The following SRGAP3 variants were observed in gnomAD, a reference collection of about 807,000 sequenced individuals.
The protein encoded by SRGAP3 is SLIT-ROBO Rho GTPase-activating protein 3.
Under a neutral mutation model 121.1 loss-of-function variants are expected in SRGAP3, and 39 were observed. That is an observed-to-expected ratio of 0.32 (90% CI 0.25 to 0.42). SRGAP3 has a LOEUF of 0.42. SRGAP3 is among the 10% of genes least tolerant of loss of function. The probability of loss-of-function intolerance (pLI) is 1.00; values close to 1 mark genes in which losing one functional copy is unlikely to be tolerated. For missense variants in SRGAP3, 1,213 were observed against 1,470.6 expected (o/e 0.82, Z 2.86); for synonymous variants, 601 against 570.0 (o/e 1.05, Z -0.77).
chr3:9,066,144 C>T (rs1946421642), intron 4 of SRGAP3, among the ~76,000 whole-genome samples: 1 of 152,150 alleles, frequency 6.6e-6, no homozygotes, highest in South Asian at 2.1e-4. Context: ...AGCAGGCATA[C>T]TTTTAGTAGC....
intron 1 of SRGAP3, among the ~76,000 whole-genome samples, chr3:9,170,658 C>G (rs1560329052): frequency 6.6e-6 from 1 of 152,190 alleles, no homozygotes. Context: ...CAAAATACTC[C>G]CAGCATACCC....
intron 1 of SRGAP3, among the ~76,000 whole-genome samples, chr3:9,175,377 C>T (rs1951141045): frequency 6.6e-6 from 1 of 152,146 alleles, no homozygotes; most frequent in Admixed American, 6.5e-5. Context: ...CCTCTGTATC[C>T]CCAATTCCTA....
intron 4 of SRGAP3, among the ~76,000 whole-genome samples, chr3:9,074,601 C>T (rs1946870557): frequency 6.6e-6 from 1 of 152,176 alleles, no homozygotes; most frequent in Admixed American, 6.5e-5. Context: ...GAATGTCATC[C>T]TAGAAAGACA....
intron 18 of SRGAP3, among the ~76,000 whole-genome samples, chr3:8,998,830 T>G (rs1204157271): frequency 6.6e-6 from 1 of 152,096 alleles, no homozygotes; most frequent in East Asian, 1.9e-4. Flanking sequence ...ATAACAACAT[T>G]TGAGGCACTA....
intron 4 of SRGAP3, among the ~76,000 whole-genome samples, chr3:9,070,778 T>C (rs1946666887): frequency 6.6e-6 from 1 of 152,198 alleles, no homozygotes. Context: ...ATTAAATATT[T>C]ATTGAGCAGT....
In SRGAP3 at chr3:9,124,190, T is replaced by A. The variant is rs79697939; in HGVS notation, c.260+535A>T. On this transcript the variant is annotated intron_variant, in intron 2 of 21. Transcript: ENST00000383836. ...ATCAGGACACATGACAGTTTGTGCATCGAAAATAAGTAAATAAGGCAGGGA... is the reference window on the plus strand; with the variant it reads ...ATCAGGACACATGACAGTTTGTGCAACGAAAATAAGTAAATAAGGCAGGGA... Among the ~76,000 whole-genome samples the A allele has an allele frequency of 5.1e-3, 777 of 152,154 alleles. 5 individuals are homozygous for A. Among genetic ancestry groups the A allele is most frequent in the African/African-American group, 0.017 (699 of 41,508 alleles).
intron 3 of SRGAP3, among the ~76,000 whole-genome samples, chr3:9,102,691 C>T (rs979630392): frequency 6.6e-6 from 1 of 152,236 alleles, no homozygotes; most frequent in Admixed American, 6.5e-5. Flanking sequence ...GTTCCACAGG[C>T]ACAGGCCTGG....
At chr3:9,172,088 CTTTTCTTT>C (rs1560333505) in intron 1 of SRGAP3, among the ~76,000 whole-genome samples, 5 of 140,836 alleles carry the variant, frequency 3.6e-5, no homozygotes, top group Non-Finnish European at 4.7e-5. Context: ...ATGACTTTTT[CTTTTCTTT>C]TTTTTTTTTT....
chr3:9,177,130 G>A (rs1951206949), intron 1 of SRGAP3, among the ~76,000 whole-genome samples: 1 of 152,134 alleles, frequency 6.6e-6, no homozygotes, highest in African/African-American at 2.4e-5. Flanking sequence ...GTGTGTTCAA[G>A]GGCACACATT....
intron 3 of SRGAP3, among the ~76,000 whole-genome samples, chr3:9,260,961 C>T (rs1954241755): frequency 6.6e-6 from 1 of 152,180 alleles, no homozygotes; most frequent in African/African-American, 2.4e-5. Context: ...CTCCAGCTGG[C>T]ATCTGGCGGG....
intron 3 of SRGAP3, among the ~76,000 whole-genome samples, chr3:9,278,184 A>C (rs537961556): frequency 6.6e-6 from 1 of 152,296 alleles, no homozygotes; most frequent in Non-Finnish European, 1.5e-5. Context: ...TAAGTGGGGG[A>C]AGCAAGATCT....
chr3:9,053,572 A>G (rs1409468719), intron 8 of SRGAP3, among the ~76,000 whole-genome samples: 2 of 152,234 alleles, frequency 1.3e-5, no homozygotes, highest in Non-Finnish European at 2.9e-5. Context: ...AGTTCCTCCA[A>G]TGCAAGGTGG....
At chr3:9,025,204 G>A (rs1944127462) in intron 14 of SRGAP3, 57 bp downstream of exon 14, 5 of 1,583,334 alleles carry the variant, frequency 3.2e-6, no homozygotes, top group Admixed American at 1.7e-5. Flanking sequence ...AGACACACGT[G>A]AATATTCACC....
chr3:9,260,128 T>C (rs549467774), intron 3 of SRGAP3, among the ~76,000 whole-genome samples: 1 of 152,140 alleles, frequency 6.6e-6, no homozygotes. Context: ...CCAGATACTA[T>C]GCTTTTCCCA....
rs1950676557 is a variant in SRGAP3, at chr3:9,163,583, G to T, written c.68-38666C>A. Among the ~76,000 whole-genome samples, 3 of 152,238 alleles carry T rather than the reference G, an allele frequency of 2.0e-5. No homozygotes were observed. The South Asian group carries it at 6.2e-4, about 32-fold the overall frequency. On this transcript the variant is annotated intron_variant, in intron 1 of 21. Transcript: ENST00000383836. ...CAGCTAGAAGGCTGCCGCTGTCAAA[G>T]CAGAGGGGGCAGGGGAGGTGGGGTA...
intron 3 of SRGAP3, among the ~76,000 whole-genome samples, chr3:9,286,358 T>C (rs73124603): frequency 1.3e-5 from 2 of 151,764 alleles, no homozygotes; most frequent in African/African-American, 4.8e-5. Flanking sequence ...TTAACATGGA[T>C]ACATACCAAA....
chr3:9,265,194 C>A (rs1238615301), intron 3 of SRGAP3, among the ~76,000 whole-genome samples: 1 of 152,098 alleles, frequency 6.6e-6, no homozygotes, highest in Non-Finnish European at 1.5e-5. Flanking sequence ...AAACTGGACC[C>A]CTTCCTTACA....
chr3:8,993,020 G>A lies in SRGAP3; in HGVS notation c.2444C>T (p.Ala815Val), dbSNP rs770001117. 1 of 1,614,196 alleles carries A rather than the reference G, an allele frequency of 6.2e-7. No homozygotes were observed. ...DAFSDSLSQK[A>V]DSEASSGPLL... ...TGGCCCACTGCTGGCCTCGCTGTCA[G>A]CCTTCTGGCTCAGGCTGTCGGAGAA... The change falls in exon 20 of 22, where the codon GCT becomes GTT. Residue 815 changes from alanine to valine, a missense_variant. Physicochemically the swap from Ala to Val is moderately conservative, Grantham distance 64. Transcript: ENST00000383836.
intron 6 of SRGAP3, 186 bp downstream of exon 6, chr3:9,060,045 C>T: frequency 1.1e-6 from 1 of 915,166 alleles, no homozygotes; most frequent in Non-Finnish European, 1.7e-6. Context: ...TGAAAATAGA[C>T]ACCACGAGGT....
Sources: allele counts gnomAD v4.1 joint callset (sites outside exome capture counted in the v4.1 genomes callset), GRCh38; gene constraint gnomAD v4.1.1; transcripts MANE v1.5; gene names NCBI Gene and HGNC (gene_info 2026-07-23, HGNC 2026-07-21).